Variants in NPAS3 observed in about 807,000 individuals in gnomAD.
The protein encoded by NPAS3 is neuronal PAS domain-containing protein 3.
NPAS3 carries 14 observed loss-of-function variants against 73.1 expected under a neutral mutation model. The ratio of observed to expected loss-of-function variants is 0.19; its 90% CI spans 0.13 to 0.30. The LOEUF is 0.30. NPAS3 is among the 10% of genes least tolerant of loss of function. NPAS3 has a pLI of 1.00. For missense variants in NPAS3, 1,096 were observed against 1,250.0 expected, an observed-to-expected ratio of 0.88 and a Z score of 1.86; for synonymous variants, 620 against 541.5, an observed-to-expected ratio of 1.14 and a Z score of -2.01.
chr14:33,261,705 T>C (rs1566735301), intron 3 of NPAS3, among the ~76,000 whole-genome samples: 1 of 152,192 alleles, frequency 6.6e-6, no homozygotes, highest in African/African-American at 2.4e-5. Flanking sequence ...ATAACAATTT[T>C]ATGTGTCAAA....
intron 3 of NPAS3, among the ~76,000 whole-genome samples, chr14:33,238,336 A>T (rs1359820238): frequency 6.6e-6 from 1 of 152,036 alleles, no homozygotes; most frequent in Admixed American, 6.6e-5. Context: ...AAATGCGGTC[A>T]TTTTTATTGA....
intron 5 of NPAS3, among the ~76,000 whole-genome samples, chr14:33,609,108 C>A (rs1254344432): frequency 1.3e-5 from 2 of 152,084 alleles, no homozygotes; most frequent in Admixed American, 1.3e-4. Flanking sequence ...ACTGAACTTT[C>A]CCTGCCTGCA....
chr14:33,590,730 C>G (rs1399138280), intron 5 of NPAS3, among the ~76,000 whole-genome samples: 1 of 152,172 alleles, frequency 6.6e-6, no homozygotes, highest in Non-Finnish European at 1.5e-5. Context: ...GGGGTTGTAG[C>G]AAAACACCAA....
intron 3 of NPAS3, among the ~76,000 whole-genome samples, chr14:33,258,127 G>T (rs1204563357): frequency 1.3e-5 from 2 of 152,144 alleles, no homozygotes; most frequent in African/African-American, 4.8e-5. Flanking sequence ...AGGTGCAGTG[G>T]CTCACACCTT....
At chr14:33,497,529 C>G (rs191133627) in intron 4 of NPAS3, among the ~76,000 whole-genome samples, 103 of 152,204 alleles carry the variant, frequency 6.8e-4, no homozygotes, top group African/African-American at 2.4e-3. Context: ...GAACAGACGC[C>G]TCAGAAATAA....
At chr14:33,599,941 G>A (rs1466896993) in intron 5 of NPAS3, among the ~76,000 whole-genome samples, 2 of 152,196 alleles carry the variant, frequency 1.3e-5, no homozygotes, top group African/African-American at 2.4e-5. Context: ...TGATGACACT[G>A]AAGAAGTGTA....
intron 4 of NPAS3, among the ~76,000 whole-genome samples, chr14:33,538,816 CATA>C (rs1476803758): frequency 1.8e-4 from 28 of 152,114 alleles, no homozygotes; most frequent in Admixed American, 1.8e-3. Context: ...CACAAGTACT[CATA>C]ATAATTGTAA....
intron 3 of NPAS3, among the ~76,000 whole-genome samples, chr14:33,234,395 G>C (rs867141118): frequency 6.6e-6 from 1 of 152,110 alleles, no homozygotes; most frequent in South Asian, 2.1e-4. Flanking sequence ...ATTGTACTAA[G>C]ATTTGAAAGA....
intron 4 of NPAS3, among the ~76,000 whole-genome samples, chr14:33,550,953 A>G (rs901089812): frequency 2.0e-5 from 3 of 152,220 alleles, no homozygotes; most frequent in African/African-American, 7.2e-5. Context: ...ACTAAATACT[A>G]GTTTCTATTA....
intron 1 of NPAS3, among the ~76,000 whole-genome samples, chr14:32,967,818 A>G (rs2037244737): frequency 1.3e-5 from 2 of 152,184 alleles, no homozygotes; most frequent in Non-Finnish European, 2.9e-5. Flanking sequence ...ATATGATCCA[A>G]CAATTCTAGT....
At chr14:33,071,787 C>A (rs2041493437) in intron 2 of NPAS3, among the ~76,000 whole-genome samples, 1 of 152,086 alleles carries the variant, frequency 6.6e-6, no homozygotes, top group African/African-American at 2.4e-5. Context: ...TAATTTTATT[C>A]TGGAAAATTA....
At chr14:33,550,880 A>G (rs148709710) in intron 4 of NPAS3, among the ~76,000 whole-genome samples, 2 of 152,368 alleles carry the variant, frequency 1.3e-5, no homozygotes, top group African/African-American at 4.8e-5. Context: ...TGAAGGACCC[A>G]GAAGAGGTGC....
intron 1 of NPAS3, among the ~76,000 whole-genome samples, chr14:33,013,167 G>C (rs903106636): frequency 2.6e-4 from 39 of 152,300 alleles, no homozygotes; most frequent in African/African-American, 8.9e-4. Context: ...AATACATGCA[G>C]ATCAGAGTAG....
intron 5 of NPAS3, among the ~76,000 whole-genome samples, chr14:33,652,122 A>T (rs2059012565): frequency 6.6e-6 from 1 of 152,174 alleles, no homozygotes; most frequent in African/African-American, 2.4e-5. Flanking sequence ...TTGCAAGGAA[A>T]ATTTATGTGT....
In NPAS3 at chr14:33,334,626, C is replaced by G. The variant is rs1008163421; in HGVS notation, c.386-32560C>G. Reference sequence around the variant, plus strand: ...GACATCTTTCACCTTCAGTCTGATTCGAGTCAAAGATGAGTCTTAGGCACC... The same window carrying G: ...GACATCTTTCACCTTCAGTCTGATTGGAGTCAAAGATGAGTCTTAGGCACC... On this transcript the variant is annotated intron_variant, in intron 3 of 11. Coordinates refer to ENST00000356141, the Ensembl canonical transcript of NPAS3. Among the ~76,000 whole-genome samples the G allele has an allele frequency of 3.9e-5, 6 of 152,198 alleles. No individual in the cohort carries two copies. In the East Asian group the frequency reaches 1.2e-3, roughly 29 times the overall value.
chr14:32,938,791 G>A (rs1482473275), upstream of NPAS3, among the ~76,000 whole-genome samples: 1 of 148,026 alleles, frequency 6.8e-6, no homozygotes, highest in Non-Finnish European at 1.5e-5. Context: ...GAGGCGGCGG[G>A]GCCCTGGGCC....
chr14:33,458,970 T>C (rs1340269490), intron 4 of NPAS3, among the ~76,000 whole-genome samples: 1 of 152,214 alleles, frequency 6.6e-6, no homozygotes, highest in Non-Finnish European at 1.5e-5. Flanking sequence ...GGCTACTCCA[T>C]AGAGCAGCCC....
intron 4 of NPAS3, among the ~76,000 whole-genome samples, chr14:33,375,641 AAAAG>A (rs2046281984): frequency 6.6e-6 from 1 of 152,194 alleles, no homozygotes; most frequent in African/African-American, 2.4e-5. Context: ...GAAAGAATGA[AAAAG>A]AAAAGTAGAA....
chr14:33,767,943 C>G (rs1394128213), intron 7 of NPAS3, among the ~76,000 whole-genome samples: 2 of 152,160 alleles, frequency 1.3e-5, no homozygotes, highest in Non-Finnish European at 2.9e-5. Context: ...ATGGCAGGAA[C>G]AGAAATATAC....
Sources: allele counts gnomAD v4.1 joint callset (sites outside exome capture counted in the v4.1 genomes callset), GRCh38; gene constraint gnomAD v4.1.1; transcripts MANE v1.5; gene names NCBI Gene and HGNC (gene_info 2026-07-23, HGNC 2026-07-21).